Variants in KRT80 observed in about 807,000 individuals in gnomAD.
KRT80 encodes keratin 80, also known as keratin, type II cytoskeletal 80.
A neutral mutation model predicts 51.5 loss-of-function variants in KRT80; 36 were observed. That is an observed-to-expected ratio of 0.70 (90% CI 0.54 to 0.92). The LOEUF (loss-of-function observed/expected upper bound fraction) is 0.92, where lower values mean the gene tolerates loss of function less well. Among genes scored for constraint, KRT80 ranks in the 40% least tolerant of loss-of-function variants. KRT80 has a pLI of 0.00. For missense variants in KRT80, 566 were observed against 591.7 expected (o/e 0.96, Z 0.45); for synonymous variants, 235 against 248.3 (o/e 0.95, Z 0.50).
rs367776044 is a variant in KRT80, at chr12:52,172,323, G to A, written c.1053C>T (p.Ala351=). 14 of 1,614,208 alleles carry A rather than the reference G, an allele frequency of 8.7e-6. No homozygotes were observed. The African/African-American group carries it at 1.9e-4, about 22-fold the overall frequency. The stretch of plus-strand genomic sequence containing the variant: ...CCATGTCCTGCTTGGCCTGCTGCAG[G>A]GCGGCCTCCAGCTGGGCCAGCTTGG... ...AKTKLAQLEA[A]LQQAKQDMAR... is the part of the protein sequence containing the mutation. Residue 351 remains alanine (A), a synonymous_variant, in exon 7 of 9, where the codon GCC becomes GCT. Transcript: ENST00000394815.
At position 52,171,486 on chromosome 12, in the gene KRT80, C is replaced by G. The variant is rs201244168; in HGVS notation, c.1271G>C (p.Arg424Pro). The change falls in exon 9 of 9, where the codon CGA becomes CCA. Residue 424 changes from arginine to proline, a missense_variant. Coordinates refer to ENST00000394815, the MANE Select transcript of KRT80 (RefSeq NM_182507.3). Reference protein sequence around the residue: ...SRSGLSKAPSRKKKGSKGPVI... With the variant: ...SRSGLSKAPSPKKKGSKGPVI... Reference sequence around the variant, plus strand: ...GGGGCCTTTGCTGCCCTTCTTCTTTCGGGAGGGGGCCTTGGAGAGGCCTGA... The same window carrying G: ...GGGGCCTTTGCTGCCCTTCTTCTTTGGGGAGGGGGCCTTGGAGAGGCCTGA... The G allele has an allele frequency of 1.2e-5, 20 of 1,612,726 alleles. No homozygotes were observed. Among genetic ancestry groups the G allele is most frequent in the Non-Finnish European group, 1.7e-5 (20 of 1,179,424 alleles).
rs764270413 is a variant in KRT80 at position 52,191,757 on chromosome 12, C to G, written c.146G>C (p.Cys49Ser). 1.9e-6 allele frequency: 3 copies of G among 1,613,318 alleles called. No homozygotes were observed. The East Asian group carries it at 6.7e-5, about 36-fold the overall frequency. ...PGFSSRSLTG[C>S]WSAGTISKVT... Reference sequence around the variant, plus strand: ...CTTGGAGATAGTGCCAGCCGACCAGCAGCCTGTGAGGCTGCGGGAGCTGAA... The same window carrying G: ...CTTGGAGATAGTGCCAGCCGACCAGGAGCCTGTGAGGCTGCGGGAGCTGAA... Residue 49 changes from cysteine (C) to serine (S), a missense_variant, in exon 1 of 9, where the codon TGC (cysteine) becomes TCC (serine). Physicochemically the swap from Cys to Ser is moderately radical, Grantham distance 112. Transcript: ENST00000394815.
chr12:52,172,295 G>A lies in KRT80; in HGVS notation c.1081C>T (p.Arg361Trp), dbSNP rs777330512. 2.6e-5 allele frequency: 42 copies of A among 1,613,814 alleles called. No homozygotes were observed. In the Middle Eastern group the frequency reaches 8.2e-4, roughly 32 times the overall value. The change falls in exon 7 of 9, where the codon CGG (arginine) becomes TGG (tryptophan). Residue 361 changes from arginine to tryptophan, a missense_variant. Coordinates refer to ENST00000394815, the MANE Select transcript of KRT80 (RefSeq NM_182507.3). Reference protein sequence around the residue: ...ALQQAKQDMARQLRKYQELMN... With the variant: ...ALQQAKQDMAWQLRKYQELMN... ...AGCTCCTGGTACTTGCGCAGCTGCC[G>A]CGCCATGTCCTGCTTGGCCTGCTGC... is the stretch of plus-strand genomic sequence containing the variant.
intron 4 of KRT80, 125 bp downstream of exon 4, chr12:52,180,388 G>T (rs1392831371): frequency 2.1e-5 from 12 of 568,694 alleles, no homozygotes; most frequent in African/African-American, 5.7e-5. Context: ...TTATTCTGGG[G>T]CTGGAAATTG....
intron 1 of KRT80, among the ~76,000 whole-genome samples, chr12:52,186,811 G>C (rs1343514074): frequency 6.6e-6 from 1 of 152,008 alleles, no homozygotes; most frequent in Non-Finnish European, 1.5e-5. Context: ...CTTGCTGGGA[G>C]GGTCCTGCGC....
At chr12:52,186,265 C>T (rs560888858) in intron 1 of KRT80, among the ~76,000 whole-genome samples, 5 of 152,234 alleles carry the variant, frequency 3.3e-5, no homozygotes, top group African/African-American at 1.2e-4. Context: ...CTCCCTCCTG[C>T]AGGAAGCTCT....
rs773230922 is a variant in KRT80 at position 52,191,794 on chromosome 12, G to T, written c.109C>A (p.Pro37Thr). The T allele has an allele frequency of 1.2e-6, 2 of 1,609,446 alleles. No individual in the cohort carries two copies. The highest frequency in any genetic ancestry group is 1.7e-6 in the Non-Finnish European group (2 of 1,178,176). ...GTSGWDSCRA[P>T]GPGFSSRSLT... is the part of the protein sequence containing the mutation. ...CTGCGGGAGCTGAAGCCCGGCCCGG[G>T]GGCCCTGCAGCTGTCCCATCCTGAG... The change falls in exon 1 of 9, where the codon CCC becomes ACC. Residue 37 changes from proline to threonine, a missense_variant. Pro to Thr is a conservative substitution (Grantham distance 38, BLOSUM62 -1). Coordinates refer to ENST00000394815, the MANE Select transcript of KRT80 (RefSeq NM_182507.3).
At chr12:52,186,661 G>A (rs1406322646) in intron 1 of KRT80, among the ~76,000 whole-genome samples, 1 of 152,188 alleles carries the variant, frequency 6.6e-6, no homozygotes, top group African/African-American at 2.4e-5. Context: ...TGTGTTGCTG[G>A]TCACTGTGGG....
At position 52,171,387 on chromosome 12, in the gene KRT80, G is replaced by T. The variant is rs1941095998; in HGVS notation, c.*11C>A. The T allele has an allele frequency of 6.4e-7, 1 of 1,566,704 alleles. No individual in the cohort carries two copies. Among genetic ancestry groups the T allele is most frequent in the Non-Finnish European group, 8.6e-7 (1 of 1,156,470 alleles). ...AGTGGAGTGCCCTGGGGTTCCTGGG[G>T]TCCAGCCGCCTTACTCTGAGACCTC... On this transcript the variant is annotated 3_prime_UTR_variant, in exon 9 of 9. Transcript: ENST00000394815.
chr12:52,189,650 A>G (rs1211648076), intron 1 of KRT80, among the ~76,000 whole-genome samples: 1 of 152,156 alleles, frequency 6.6e-6, no homozygotes, highest in East Asian at 1.9e-4. Context: ...GGGCTAACAG[A>G]TCTTTGCAGA....
intron 6 of KRT80, 43 bp from the exon 7 acceptor site, chr12:52,172,461 A>T (rs1359500544): frequency 2.6e-6 from 4 of 1,566,834 alleles, no homozygotes; most frequent in Middle Eastern, 1.8e-4. Context: ...TGAGCAGGGG[A>T]AGGAGGAGCG....
At chr12:52,186,228 C>T (rs958244267) in intron 1 of KRT80, among the ~76,000 whole-genome samples, 1 of 152,082 alleles carries the variant, frequency 6.6e-6, no homozygotes, top group African/African-American at 2.4e-5. Flanking sequence ...TCACCAGGCC[C>T]TCTGCTCTCC....
intron 7 of KRT80, among the ~76,000 whole-genome samples, chr12:52,171,995 T>G (rs2120865436): frequency 6.6e-6 from 1 of 152,302 alleles, no homozygotes; most frequent in East Asian, 1.9e-4. Flanking sequence ...GAACCATGTT[T>G]ATGATCAGCC....
chr12:52,179,773 T>C (rs1941290905), intron 4 of KRT80, among the ~76,000 whole-genome samples: 1 of 152,240 alleles, frequency 6.6e-6, no homozygotes, highest in Non-Finnish European at 1.5e-5. Context: ...CCAACAGTGG[T>C]GCTGCCTGCT....
At position 52,173,638 on chromosome 12, in the gene KRT80, G is replaced by A. The variant is rs759816045; in HGVS notation, c.793C>T (p.Arg265Cys). The stretch of plus-strand genomic sequence containing the variant: ...TATGCCTCGGCCTCCTCCAGGCTGC[G>A]AGCCGCGACGGCGTCATACTGGGCC... ...VKAQYDAVAA[R>C]SLEEAEAYSR... Residue 265 changes from arginine (R) to cysteine (C), a missense_variant, in exon 5 of 9, where the codon CGC becomes TGC. Arg to Cys is a radical substitution (Grantham distance 180, BLOSUM62 -3). Transcript: ENST00000394815. 2.7e-5 allele frequency: 43 copies of A among 1,612,880 alleles called. No homozygotes were observed. The highest frequency in any genetic ancestry group is 3.6e-5 in the Non-Finnish European group (42 of 1,180,040).
intron 1 of KRT80, among the ~76,000 whole-genome samples, chr12:52,188,104 C>T (rs1417806128): frequency 6.6e-6 from 1 of 152,034 alleles, no homozygotes; most frequent in Non-Finnish European, 1.5e-5. Flanking sequence ...AATTCATTCC[C>T]CACTTGGGAC....
At chr12:52,176,471 T>C (rs988834966) in intron 4 of KRT80, among the ~76,000 whole-genome samples, 5 of 146,590 alleles carry the variant, frequency 3.4e-5, no homozygotes, top group Non-Finnish European at 5.9e-5. Context: ...CCATCACTTC[T>C]TCTTCTTCTT....
rs202090507 is a variant in KRT80 at position 52,180,799 on chromosome 12, C to T, written c.570+104G>A. Reference sequence around the variant, plus strand: ...TGTCTGTTGGTCCTGGGACTTAAGCCTCTGAGGGCTTTGATTGGGCATAAA... The same window carrying T: ...TGTCTGTTGGTCCTGGGACTTAAGCTTCTGAGGGCTTTGATTGGGCATAAA... On this transcript the variant is annotated intron_variant, in intron 3 of 8. Transcript: ENST00000394815. The T allele has an allele frequency of 1.4e-4, 220 of 1,596,652 alleles. No homozygotes were observed. In the Middle Eastern group the frequency reaches 1.5e-3, roughly 11 times the overall value.
At chr12:52,172,111 T>C (rs1186910776) in intron 7 of KRT80, 87 bp downstream of exon 7, 2 of 1,438,994 alleles carry the variant, frequency 1.4e-6, no homozygotes, top group African/African-American at 1.4e-5. Context: ...CACTGTATCA[T>C]ATTGGAAAGG....
Sources: allele counts gnomAD v4.1 joint callset (sites outside exome capture counted in the v4.1 genomes callset), GRCh38; gene constraint gnomAD v4.1.1; transcripts MANE v1.5; gene names NCBI Gene and HGNC (gene_info 2026-07-23, HGNC 2026-07-21).